Variants in MGST1 observed in about 807,000 individuals in gnomAD.
MGST1 encodes the protein glutathione S-transferase 12.
In MGST1, 5 loss-of-function variants were observed where a neutral mutation model predicts 8.9. The observed-to-expected ratio is 0.56, with a 90% confidence interval of 0.29 to 1.19. The LOEUF (loss-of-function observed/expected upper bound fraction) is 1.19, where lower values mean the gene tolerates loss of function less well. MGST1 is among the 50% of genes most tolerant of loss of function. MGST1 has a pLI of 0.08. For missense variants in MGST1, 182 were observed against 187.4 expected (o/e 0.97, Z 0.17); for synonymous variants, 54 against 67.8 (o/e 0.80, Z 1.00).
chr12:16,542,395 G>A (rs1310583370), intron 4 of MGST1, among the ~76,000 whole-genome samples: 1 of 152,166 alleles, frequency 6.6e-6, no homozygotes, highest in African/African-American at 2.4e-5. Flanking sequence ...AAGAATTTTT[G>A]AAACCGGAAT....
At chr12:16,534,143 T>A (rs569261412) in intron 4 of MGST1, among the ~76,000 whole-genome samples, 1 of 152,256 alleles carries the variant, frequency 6.6e-6, no homozygotes, top group African/African-American at 2.4e-5. Flanking sequence ...TTTAGCTTAC[T>A]TTTCCAAACA....
At chr12:16,477,422 C>A (rs1941331634) in intron 4 of MGST1, among the ~76,000 whole-genome samples, 1 of 152,170 alleles carries the variant, frequency 6.6e-6, no homozygotes, top group African/African-American at 2.4e-5. Flanking sequence ...ATAGTTCTTA[C>A]TCCTGAGTTT....
Position 16,401,662 on chromosome 12 carries a change from T to G in MGST1, n.778+18058T>G. On this transcript the variant is annotated intron_variant and non_coding_transcript_variant, in intron 1 of 1. Coordinates refer to the MGST1 transcript ENST00000359720. The surrounding 1 kb of genome is among the most constrained non-coding windows in gnomAD (Gnocchi z 4.3). The stretch of plus-strand genomic sequence containing the variant: ...TCACTCACCACACTGAACTTGAGAT[T>G]ATAGTTGCCACCACTCTGAATGATA... 1 of 1,601,968 alleles carries G rather than the reference T, an allele frequency of 6.2e-7. No individual in the cohort carries two copies. Among genetic ancestry groups the G allele is most frequent in the Non-Finnish European group, 8.6e-7 (1 of 1,168,940 alleles).
At chr12:16,435,490 A>G (rs1325735236) in intron 1 of MGST1, among the ~76,000 whole-genome samples, 3 of 151,950 alleles carry the variant, frequency 2.0e-5, no homozygotes, top group Non-Finnish European at 4.4e-5. Flanking sequence ...CAATCAAATT[A>G]TTGCTATGAA....
intron 3 of MGST1, among the ~76,000 whole-genome samples, chr12:16,374,594 G>A (rs913954663): frequency 3.3e-5 from 5 of 151,906 alleles, no homozygotes; most frequent in Admixed American, 3.3e-4. Flanking sequence ...CTATTTTTAG[G>A]AACCTACCCC....
In MGST1 at chr12:16,517,500, A is replaced by G. The variant is rs555219067; in HGVS notation, n.483-72028A>G. ...GATCTTGGACTTGCCAGCCTCCAAA[A>G]TCATGAGCCAAATAAAATATTATTG... On this transcript the variant is annotated intron_variant and non_coding_transcript_variant, in intron 4 of 4. Coordinates refer to the MGST1 transcript ENST00000538857. This position sits in a 1 kb window ranked among gnomAD's most constrained non-coding sequence, Gnocchi z 4.2. 1.3e-5 allele frequency among the ~76,000 whole-genome samples: 2 copies of G among 152,318 alleles called. No individual in the cohort carries two copies. Among genetic ancestry groups the G allele is most frequent in the South Asian group, 4.1e-4 (2 of 4,828 alleles).
intron 4 of MGST1, among the ~76,000 whole-genome samples, chr12:16,553,596 TGAAAC>T (rs1381197925): frequency 2.6e-5 from 4 of 152,078 alleles, no homozygotes; most frequent in East Asian, 1.9e-4. Flanking sequence ...AAGGTCAAGA[TGAAAC>T]GAACATGGAT....
At chr12:16,462,625 A>G (rs1332803192) in intron 4 of MGST1, among the ~76,000 whole-genome samples, 2 of 152,028 alleles carry the variant, frequency 1.3e-5, no homozygotes, top group East Asian at 3.9e-4. Flanking sequence ...ATTTTTGCTG[A>G]GATAATAGAA....
intron 4 of MGST1, among the ~76,000 whole-genome samples, chr12:16,453,907 A>G (rs755040995): frequency 2.6e-5 from 4 of 152,016 alleles, no homozygotes; most frequent in Non-Finnish European, 4.4e-5. Flanking sequence ...GCAACAAGCC[A>G]TATTTCCAAA....
intron 1 of MGST1, among the ~76,000 whole-genome samples, chr12:16,434,867 ATTAGT>A (rs1009292791): frequency 2.6e-5 from 4 of 151,936 alleles, no homozygotes; most frequent in African/African-American, 9.7e-5. Flanking sequence ...CACATTTGAT[ATTAGT>A]TTAGTTTAAA....
At chr12:16,365,738 C>T (rs1226383991), downstream of MGST1, among the ~76,000 whole-genome samples, 4 of 102,418 alleles carry the variant, frequency 3.9e-5, no homozygotes, top group East Asian at 4.3e-4. Context: ...TGCACGCGTG[C>T]ACGCGCACAC....
intron 1 of MGST1, among the ~76,000 whole-genome samples, chr12:16,412,182 G>A (rs1940747804): frequency 6.6e-6 from 1 of 152,176 alleles, no homozygotes; most frequent in South Asian, 2.1e-4. Flanking sequence ...CTTGAAGTCA[G>A]AAGACTTAGA....
chr12:16,460,735 C>T (rs1464491178), intron 4 of MGST1, among the ~76,000 whole-genome samples: 1 of 151,738 alleles, frequency 6.6e-6, no homozygotes, highest in Non-Finnish European at 1.5e-5. Context: ...TTGTAATAGC[C>T]TTGTTTTTAA....
intron 4 of MGST1, among the ~76,000 whole-genome samples, chr12:16,581,285 C>T (rs1322955730): frequency 2.0e-5 from 3 of 152,140 alleles, no homozygotes; most frequent in Non-Finnish European, 4.4e-5. Context: ...GATTTGAATC[C>T]TAGCTCCATC....
chr12:16,375,212 A>C (rs1385219706), intron 3 of MGST1, among the ~76,000 whole-genome samples: 1 of 152,208 alleles, frequency 6.6e-6, no homozygotes, highest in Non-Finnish European at 1.5e-5. Context: ...ATGAAAAGAC[A>C]GAACATAAAG....
chr12:16,564,968 T>A lies in MGST1; in HGVS notation n.483-24560T>A, dbSNP rs138971613. ...ACTTGGCTAATTTTTAAAAAAAAAA[T>A]TTGTAGAGATGGGGTCTCTCTCTGT... On this transcript the variant is annotated intron_variant and non_coding_transcript_variant, in intron 4 of 4. Transcript: ENST00000538857. 5.1e-3 allele frequency among the ~76,000 whole-genome samples: 779 copies of A among 151,974 alleles called. 9 individuals are homozygous for A. Among genetic ancestry groups the A allele is most frequent in the African/African-American group, 0.018 (752 of 41,446 alleles).
At chr12:16,481,973 G>A (rs1941367075) in intron 4 of MGST1, among the ~76,000 whole-genome samples, 1 of 152,022 alleles carries the variant, frequency 6.6e-6, no homozygotes, top group Admixed American at 6.6e-5. Context: ...CAGTAAAAGA[G>A]AGCTTAAAAA....
chr12:16,560,353 A>G lies in MGST1; in HGVS notation n.483-29175A>G. The G allele has an allele frequency of 6.5e-7, 1 of 1,533,432 alleles. No homozygotes were observed. The highest frequency in any genetic ancestry group is 8.8e-7 in the Non-Finnish European group (1 of 1,135,504). 95.0% of individuals were successfully genotyped at this position (1,533,432 alleles called of 1,614,324 possible). On this transcript the variant is annotated intron_variant and non_coding_transcript_variant, in intron 4 of 4. Coordinates refer to the MGST1 transcript ENST00000538857. This position sits in a 1 kb window ranked among gnomAD's most constrained non-coding sequence, Gnocchi z 5.0. ...TATGAATATAATTTCCACCTATTAAATAAATAGCCAGCACAGAGAGGTTAA... is the reference window on the plus strand; with the variant it reads ...TATGAATATAATTTCCACCTATTAAGTAAATAGCCAGCACAGAGAGGTTAA...
intron 4 of MGST1, among the ~76,000 whole-genome samples, chr12:16,562,970 G>C (rs1057449675): frequency 6.6e-6 from 1 of 152,134 alleles, no homozygotes; most frequent in Admixed American, 6.5e-5. Context: ...ATCATTAAAG[G>C]ACTCTTGAAG....
Sources: gnomAD v4.1 joint callset for allele counts (sites outside exome capture counted in the v4.1 genomes callset) on GRCh38, gnomAD v4.1.1 for gene constraint, Gnocchi (gnomAD v3.1) non-coding constraint, MANE v1.5 for transcripts, NCBI Gene and HGNC (gene_info 2026-07-23, HGNC 2026-07-21) for gene names.